Variants in DLGAP1 observed in about 807,000 individuals in gnomAD.
DLGAP1 encodes the protein disks large-associated protein 1.
In DLGAP1, 11 loss-of-function variants were observed where a neutral mutation model predicts 90.8. That is an observed-to-expected ratio of 0.12 (90% CI 0.08 to 0.20). The LOEUF (loss-of-function observed/expected upper bound fraction) is 0.20. Ranked by LOEUF, DLGAP1 falls within the 10% of genes least tolerant of loss-of-function variation. DLGAP1 has a pLI of 1.00. For synonymous variants in DLGAP1, 558 were observed against 540.7 expected (o/e 1.03, Z -0.44); for missense variants, 1,050 against 1,333.8 (o/e 0.79, Z 3.31).
rs1288603961 is a variant in DLGAP1, at chr18:3,807,032, C to G, written c.1172+7027G>C. ...TTCCTGTGTCCTCTGTCAGCCAGCG[C>G]CTTCTGCAGCTCTGATCCTTTGGTC... On this transcript the variant is annotated intron_variant, in intron 5 of 12. Coordinates refer to ENST00000315677, the MANE Select transcript of DLGAP1 (RefSeq NM_004746.4). Among the ~76,000 whole-genome samples the G allele has an allele frequency of 3.9e-5, 6 of 152,320 alleles. No homozygotes were observed. The East Asian group carries it at 9.7e-4, about 25-fold the overall frequency.
intron 11 of DLGAP1, among the ~76,000 whole-genome samples, chr18:3,506,303 C>T (rs998607422): frequency 2.6e-5 from 4 of 151,674 alleles, no homozygotes; most frequent in African/African-American, 9.7e-5. Context: ...CACCTGAGGT[C>T]AGGAGTCCGA....
At chr18:4,136,354 T>G (rs1221539732) in intron 2 of DLGAP1, among the ~76,000 whole-genome samples, 1 of 152,140 alleles carries the variant, frequency 6.6e-6, no homozygotes, top group Non-Finnish European at 1.5e-5. Context: ...GAATGTACAT[T>G]CCCTCCAGCA....
intron 3 of DLGAP1, among the ~76,000 whole-genome samples, chr18:3,903,294 G>T (rs2071824882): frequency 6.6e-6 from 1 of 152,170 alleles, no homozygotes; most frequent in South Asian, 2.1e-4. Flanking sequence ...CTGGGAACAT[G>T]AACGTGGTAA....
intron 3 of DLGAP1, among the ~76,000 whole-genome samples, chr18:3,938,624 A>T (rs1269894204): frequency 1.3e-5 from 2 of 152,192 alleles, no homozygotes; most frequent in African/African-American, 4.8e-5. Context: ...TGTCAGATAG[A>T]TGGTATTTGC....
chr18:4,453,197 A>G (rs1002079342), intron 1 of DLGAP1, among the ~76,000 whole-genome samples: 1 of 152,222 alleles, frequency 6.6e-6, no homozygotes, highest in Non-Finnish European at 1.5e-5. Context: ...GAACAGGGCT[A>G]CTGACACCTG....
chr18:4,123,497 C>A (rs2144130121), intron 2 of DLGAP1, among the ~76,000 whole-genome samples: 1 of 152,240 alleles, frequency 6.6e-6, no homozygotes, highest in South Asian at 2.1e-4. Context: ...GGGACAGAAA[C>A]AATGTTCAGG....
rs758925552 is a variant in DLGAP1 at position 3,858,938 on chromosome 18, T to G, written c.957+20174A>C. On this transcript the variant is annotated intron_variant, in intron 4 of 12. Transcript: ENST00000315677. ...CTTATGTTTCAAGAAGAGTGAACAATAGAACTTTCATGCTTCAGAGCTTTT... is the reference window on the plus strand; with the variant it reads ...CTTATGTTTCAAGAAGAGTGAACAAGAGAACTTTCATGCTTCAGAGCTTTT... Among the ~76,000 whole-genome samples the G allele has an allele frequency of 5.3e-5, 8 of 152,300 alleles. No homozygotes were observed. The East Asian group carries it at 9.6e-4, about 18-fold the overall frequency.
chr18:4,053,440 G>A (rs747193226), intron 2 of DLGAP1, among the ~76,000 whole-genome samples: 10 of 152,158 alleles, frequency 6.6e-5, no homozygotes, highest in African/African-American at 1.9e-4. Flanking sequence ...ACCTCCCACT[G>A]AGTCCCTCCC....
intron 1 of DLGAP1, among the ~76,000 whole-genome samples, chr18:4,367,004 C>CAAAAAAAAAAA (rs67286288): frequency 4.0e-4 from 24 of 60,734 alleles, no homozygotes; most frequent in African/African-American, 1.2e-3. Context: ...CTGTCAATGG[C>CAAAAAAAAAAA]AAAAAAAAAA....
At chr18:4,008,421 GTTA>G (rs754156717) in intron 2 of DLGAP1, among the ~76,000 whole-genome samples, 1 of 152,110 alleles carries the variant, frequency 6.6e-6, no homozygotes, top group Non-Finnish European at 1.5e-5. Flanking sequence ...AGGCCATATA[GTTA>G]TTATCTTTGA....
intron 2 of DLGAP1, among the ~76,000 whole-genome samples, chr18:4,067,489 C>G (rs1009766183): frequency 6.6e-6 from 1 of 151,960 alleles, no homozygotes; most frequent in Non-Finnish European, 1.5e-5. Context: ...AGTTGACCAG[C>G]GTTAACATTA....
At chr18:4,393,886 G>A (rs1486489918) in intron 1 of DLGAP1, among the ~76,000 whole-genome samples, 2 of 152,160 alleles carry the variant, frequency 1.3e-5, no homozygotes, top group Non-Finnish European at 2.9e-5. Flanking sequence ...AACAGGGTTT[G>A]CGCTCCTGTG....
intron 4 of DLGAP1, among the ~76,000 whole-genome samples, chr18:3,873,812 A>C (rs1484292414): frequency 6.6e-6 from 1 of 152,192 alleles, no homozygotes; most frequent in Non-Finnish European, 1.5e-5. Flanking sequence ...AGCAACAGTA[A>C]CTATTCAGAA....
intron 1 of DLGAP1, among the ~76,000 whole-genome samples, chr18:4,371,785 C>T (rs1358128374): frequency 6.6e-6 from 1 of 152,204 alleles, no homozygotes; most frequent in African/African-American, 2.4e-5. Context: ...ATCATCCTCC[C>T]TTTTGGCCCT....
intron 3 of DLGAP1, among the ~76,000 whole-genome samples, chr18:3,952,367 T>C (rs1486419309): frequency 6.6e-6 from 1 of 152,224 alleles, no homozygotes; most frequent in African/African-American, 2.4e-5. Flanking sequence ...CCCTATACTC[T>C]TGGGGGGAGG....
At chr18:3,882,553 C>T (rs1030435927) in intron 3 of DLGAP1, among the ~76,000 whole-genome samples, 8 of 151,518 alleles carry the variant, frequency 5.3e-5, no homozygotes, top group South Asian at 2.1e-4. Context: ...AGTTAATAGC[C>T]GATGGCAAAA....
chr18:4,391,573 G>A (rs2082341136), intron 1 of DLGAP1, among the ~76,000 whole-genome samples: 1 of 152,126 alleles, frequency 6.6e-6, no homozygotes, highest in Non-Finnish European at 1.5e-5. Flanking sequence ...CCCTTAGCTT[G>A]AAGGAAATTG....
chr18:3,655,119 G>A (rs1307092559), intron 7 of DLGAP1, among the ~76,000 whole-genome samples: 1 of 151,460 alleles, frequency 6.6e-6, no homozygotes, highest in Non-Finnish European at 1.5e-5. Context: ...TCCATGCATT[G>A]CCCATTCACC....
At chr18:3,621,200 C>T (rs1340223078) in intron 7 of DLGAP1, among the ~76,000 whole-genome samples, 2 of 152,280 alleles carry the variant, frequency 1.3e-5, no homozygotes, top group African/African-American at 2.4e-5. Context: ...TATACCTGCC[C>T]TGACATTATC....
Sources: allele counts gnomAD v4.1 joint callset (sites outside exome capture counted in the v4.1 genomes callset), GRCh38; gene constraint gnomAD v4.1.1; transcripts MANE v1.5; gene names NCBI Gene and HGNC (gene_info 2026-07-23, HGNC 2026-07-21).